Variants in ITPR2 observed in about 807,000 individuals in gnomAD.
ITPR2 encodes the protein inositol 1,4,5-trisphosphate-gated calcium channel ITPR2.
Under a neutral mutation model 317.1 loss-of-function variants are expected in ITPR2, and 207 were observed. The ratio of observed to expected loss-of-function variants is 0.65; its 90% CI spans 0.58 to 0.73. The LOEUF is 0.73. Ranked by LOEUF, ITPR2 falls within the 30% of genes least tolerant of loss-of-function variation. ITPR2 has a pLI of 0.00. For missense variants in ITPR2, 2,613 were observed against 3,284.0 expected (o/e 0.80, Z 4.99); for synonymous variants, 1,156 against 1,149.1 (o/e 1.01, Z -0.12).
chr12:26,550,704 C>T (rs1323579479), intron 36 of ITPR2, among the ~76,000 whole-genome samples: 1 of 142,006 alleles, frequency 7.0e-6, no homozygotes, highest in Non-Finnish European at 1.6e-5. Flanking sequence ...TATTATATTA[C>T]ATTTTATTAT....
chr12:26,439,289 T>C lies in ITPR2; in HGVS notation c.6481A>G (p.Ile2161Val), dbSNP rs766439004. ...CATATATTGGGGACAGGAAAAACTA[T>C]TTGTTCCATGGTCCTATCATGCCGG... is the stretch of plus-strand genomic sequence containing the variant. ...IVRHDRTMEQ[I>V]VFPVPNICEY... The change falls in exon 47 of 57, where the codon ATA (isoleucine) becomes GTA (valine). Residue 2161 changes from isoleucine (I) to valine (V), a missense_variant. This residue lies in a region of ITPR2 where 926 missense variants were observed against 1,072.8 expected (regional missense o/e 0.86). Transcript: ENST00000381340. 1 of 1,610,006 alleles carries C rather than the reference T, an allele frequency of 6.2e-7. No homozygotes were observed. Among genetic ancestry groups the C allele is most frequent in the Admixed American group, 1.7e-5 (1 of 59,186 alleles).
chr12:26,777,583 T>C (rs746065349), intron 2 of ITPR2, among the ~76,000 whole-genome samples: 1 of 151,646 alleles, frequency 6.6e-6, no homozygotes, highest in Non-Finnish European at 1.5e-5. Flanking sequence ...AGCTCTGACA[T>C]TGGCTAATTA....
In ITPR2 at chr12:26,483,678, T is replaced by A. The variant is rs1250790984; in HGVS notation, c.6012+20A>T. On this transcript the variant is annotated intron_variant, in intron 42 of 56. Transcript: ENST00000381340. ...CCAAATTAATCCCTTTACTAATTAGTCATGGATACTTCTGGTTACCTGATT... is the reference window on the plus strand; with the variant it reads ...CCAAATTAATCCCTTTACTAATTAGACATGGATACTTCTGGTTACCTGATT... 1.3e-6 allele frequency: 2 copies of A among 1,575,856 alleles called. No homozygotes were observed. The highest frequency in any genetic ancestry group is 1.3e-5 in the African/African-American group (1 of 74,184).
chr12:26,758,618 C>G (rs1949572170), intron 2 of ITPR2, among the ~76,000 whole-genome samples: 1 of 152,168 alleles, frequency 6.6e-6, no homozygotes, highest in African/African-American at 2.4e-5. Context: ...ACAGATTAGG[C>G]ACTGGAATGA....
At chr12:26,479,414 A>G (rs924493752) in intron 43 of ITPR2, among the ~76,000 whole-genome samples, 4 of 152,110 alleles carry the variant, frequency 2.6e-5, no homozygotes, top group African/African-American at 9.7e-5. Context: ...TAAATGGATG[A>G]GCCATTCAGT....
rs1555121666 is a variant in ITPR2 at position 26,414,050 on chromosome 12, T to TCACAC, written c.7306+1252_7306+1253insGTGTG. On this transcript the variant is annotated intron_variant, in intron 51 of 56. Coordinates refer to ENST00000381340, the MANE Select transcript of ITPR2 (RefSeq NM_002223.4). The stretch of plus-strand genomic sequence containing the variant: ...AGCAGATAGTCTACATGTATATATG[T>TCACAC]ACACACACACACACACACACACACA... Among the ~76,000 whole-genome samples the TCACAC allele has an allele frequency of 4.3e-3, 590 of 138,202 alleles. 8 individuals are homozygous for TCACAC. The East Asian group carries it at 0.047, about 11-fold the overall frequency. 90.7% of individuals were successfully genotyped at this position (138,202 alleles called of 152,430 possible). A position where few individuals can be genotyped will look rare whatever the true frequency, so the allele number is the denominator to read the frequency against.
chr12:26,462,964 G>T (rs1407206944), intron 45 of ITPR2, among the ~76,000 whole-genome samples: 1 of 152,152 alleles, frequency 6.6e-6, no homozygotes, highest in Non-Finnish European at 1.5e-5. Context: ...AAGCCACGGT[G>T]CCTGAGCTAT....
chr12:26,338,538 A>G lies in ITPR2; in HGVS notation c.*859T>C, dbSNP rs1015446647. 6.6e-6 allele frequency: 1 copy of G among 152,504 alleles called. No homozygotes were observed. The highest frequency in any genetic ancestry group is 6.5e-5 in the Admixed American group (1 of 15,280). The allele number at this position is 152,504 out of a possible 1,614,324, so 9.4% of individuals were successfully genotyped here. A position where few individuals can be genotyped will look rare whatever the true frequency, so the allele number is the denominator to read the frequency against. The stretch of plus-strand genomic sequence containing the variant: ...CATAAGTTTCTCAATAATTCCTATC[A>G]CTTTTAAGCATTTTCATGTATTAAT... On this transcript the variant is annotated 3_prime_UTR_variant, in exon 57 of 57. Transcript: ENST00000381340.
chr12:26,485,436 C>T (rs1396561645), intron 41 of ITPR2, among the ~76,000 whole-genome samples: 2 of 152,180 alleles, frequency 1.3e-5, no homozygotes, highest in African/African-American at 4.8e-5. Flanking sequence ...AGGATAGGCC[C>T]ATGGGCACTG....
intron 2 of ITPR2, among the ~76,000 whole-genome samples, chr12:26,742,418 T>C (rs34963777): frequency 0.34 from 51,740 of 152,092 alleles, 10,729 homozygotes; most frequent in Non-Finnish European, 0.48. Flanking sequence ...AGCAGCATTA[T>C]TCATAATAGT....
At chr12:26,379,930 A>T (rs887207983) in intron 55 of ITPR2, among the ~76,000 whole-genome samples, 2 of 152,246 alleles carry the variant, frequency 1.3e-5, no homozygotes, top group African/African-American at 4.8e-5. Flanking sequence ...AACAAAAGCC[A>T]CTTGGGTTCT....
chr12:26,522,054 A>G (rs975029311), intron 37 of ITPR2, among the ~76,000 whole-genome samples: 2 of 152,212 alleles, frequency 1.3e-5, no homozygotes, highest in African/African-American at 4.8e-5. Flanking sequence ...TTTTATGTCT[A>G]TTCTAGCAAG....
chr12:26,685,590 C>T (rs1370332462), intron 11 of ITPR2, among the ~76,000 whole-genome samples: 1 of 152,056 alleles, frequency 6.6e-6, no homozygotes, highest in Non-Finnish European at 1.5e-5. Context: ...GAGTGAGATC[C>T]TGTCTCAAAA....
intron 45 of ITPR2, among the ~76,000 whole-genome samples, chr12:26,446,712 G>T (rs568332381): frequency 7.5e-6 from 1 of 133,442 alleles, no homozygotes; most frequent in South Asian, 2.5e-4. Flanking sequence ...CTGCAGAGAA[G>T]AGGCATTCTA....
At chr12:26,817,714 A>G (rs1029238698) in intron 1 of ITPR2, among the ~76,000 whole-genome samples, 2 of 152,216 alleles carry the variant, frequency 1.3e-5, no homozygotes, top group African/African-American at 4.8e-5. Flanking sequence ...TTTTTAGACC[A>G]TATACAGTAG....
rs750461808 is a variant in ITPR2, at chr12:26,656,307, T to G, written c.2434A>C (p.Thr812Pro). ...RLWTEIPTKI[T>P]IHEYDSITDS... ...TTTTTCCAAACATACTCATGAATTG[T>G]GATCTTTGTGGGGATTTCTGTCCAG... Residue 812 changes from threonine to proline, a missense_variant, in exon 19 of 57, where the codon ACA becomes CCA. Physicochemically the swap from Thr to Pro is conservative, Grantham distance 38. Transcript: ENST00000381340. The G allele has an allele frequency of 6.2e-7, 1 of 1,614,158 alleles. No homozygotes were observed. The highest frequency in any genetic ancestry group is 1.1e-5 in the South Asian group (1 of 91,076).
chr12:26,813,683 C>T (rs1387843874), intron 1 of ITPR2, among the ~76,000 whole-genome samples: 1 of 152,084 alleles, frequency 6.6e-6, no homozygotes, highest in Admixed American at 6.6e-5. Context: ...GAAGTTTAGA[C>T]CAGACCAGAG....
chr12:26,823,944 C>T (rs59959539), intron 1 of ITPR2, among the ~76,000 whole-genome samples: 3 of 152,108 alleles, frequency 2.0e-5, no homozygotes, highest in Non-Finnish European at 4.4e-5. Context: ...GTCAGCCATG[C>T]TAAAATGCAT....
At chr12:26,509,678 G>A (rs1348247748) in intron 37 of ITPR2, among the ~76,000 whole-genome samples, 5 of 152,104 alleles carry the variant, frequency 3.3e-5, no homozygotes, top group Admixed American at 3.3e-4. Flanking sequence ...TGTCAATTAG[G>A]AGCCAATTTC....
Sources: allele counts gnomAD v4.1 joint callset (sites outside exome capture counted in the v4.1 genomes callset), GRCh38; gene constraint gnomAD v4.1.1; regional missense constraint gnomAD v4.1.1; transcripts MANE v1.5; gene names NCBI Gene and HGNC (gene_info 2026-07-23, HGNC 2026-07-21).